IGF2R: variants seen among roughly 807,000 people sequenced by gnomAD.
IGF2R encodes the protein insulin like growth factor 2 receptor, also known as cation-independent mannose-6-phosphate receptor.
IGF2R carries 91 observed loss-of-function variants against 270.6 expected under a neutral mutation model. The observed-to-expected ratio is 0.34, with a 90% confidence interval of 0.28 to 0.40. The LOEUF is 0.40. IGF2R is among the 10% of genes least tolerant of loss of function. IGF2R has a pLI of 1.00. For synonymous variants in IGF2R, 1,316 were observed against 1,258.9 expected, an observed-to-expected ratio of 1.05 and a Z score of -0.96; for missense variants, 2,805 against 3,188.3, an observed-to-expected ratio of 0.88 and a Z score of 2.90.
At chr6:160,048,604 A>C in intron 18 of IGF2R, 61 bp downstream of exon 18, 2 of 1,544,254 alleles carry the variant, frequency 1.3e-6, no homozygotes, top group Admixed American at 3.7e-5. Context: ...TAGTGGGAGG[A>C]GGTGGTTATT....
At chr6:159,990,532 A>G (rs1783960960) in intron 1 of IGF2R, among the ~76,000 whole-genome samples, 1 of 152,190 alleles carries the variant, frequency 6.6e-6, no homozygotes, top group Admixed American at 6.5e-5. Context: ...TCTTTCCTTT[A>G]TAAATTACCC....
In IGF2R at chr6:160,050,458, C is replaced by G. The variant is rs199684076; in HGVS notation, c.2515-15C>G. On this transcript the variant is annotated splice_polypyrimidine_tract_variant and intron_variant, in intron 18 of 47. Transcript: ENST00000356956. This position sits in a 1 kb window ranked among gnomAD's most constrained non-coding sequence, Gnocchi z 4.0. The stretch of plus-strand genomic sequence containing the variant: ...CTTCAGGGGGAAAAGCCTAACAAGA[C>G]TGGTTTTCTTGCAGGGCTCCTTCAC... 6.2e-7 allele frequency: 1 copy of G among 1,600,046 alleles called. No homozygotes were observed. The highest frequency in any genetic ancestry group is 1.3e-5 in the African/African-American group (1 of 74,830).
Position 160,061,806 on chromosome 6 carries a change from G to A in IGF2R, c.3460G>A (p.Val1154Met), listed in dbSNP as rs2115262788. 1.2e-6 allele frequency: 2 copies of A among 1,614,202 alleles called. No individual in the cohort carries two copies. The highest frequency in any genetic ancestry group is 2.2e-5 in the East Asian group (1 of 44,884). Residue 1154 changes from valine to methionine, a missense_variant, in exon 25 of 48, where the codon GTG becomes ATG. Physicochemically the swap from Val to Met is conservative, Grantham distance 21. Around this residue, in one of 2 missense-constraint regions of IGF2R, gnomAD observed 1,851 missense variants for 2,207.2 expected, o/e 0.84. Coordinates refer to ENST00000356956, the MANE Select transcript of IGF2R (RefSeq NM_000876.4). ...AGAAGGCAATAGCTGGAATCTGGGT[G>A]TGGTGCAGATGAGTCCCCAAGCCGC... ...VSEGNSWNLG[V>M]VQMSPQAAAN... is the part of the protein sequence containing the mutation.
chr6:159,971,429 T>G (rs908656056), intron 1 of IGF2R, among the ~76,000 whole-genome samples: 2 of 152,240 alleles, frequency 1.3e-5, no homozygotes, highest in African/African-American at 4.8e-5. Flanking sequence ...GTGAATATAA[T>G]AAGATCTGCC....
At chr6:159,975,157 C>T (rs1299419904) in intron 1 of IGF2R, among the ~76,000 whole-genome samples, 2 of 152,192 alleles carry the variant, frequency 1.3e-5, no homozygotes, top group African/African-American at 2.4e-5. Flanking sequence ...AAGTCCGGGC[C>T]TCTGGAACTT....
At chr6:160,090,890 T>C (rs1779207444) in intron 44 of IGF2R, among the ~76,000 whole-genome samples, 1 of 148,520 alleles carries the variant, frequency 6.7e-6, no homozygotes, top group Non-Finnish European at 1.5e-5. Context: ...CTCCGTGCCC[T>C]GGTGCTGAGC....
intron 1 of IGF2R, among the ~76,000 whole-genome samples, chr6:159,982,062 G>A (rs1034220242): frequency 2.6e-5 from 4 of 152,188 alleles, no homozygotes; most frequent in Non-Finnish European, 4.4e-5. Context: ...TCAAACTCAC[G>A]TGCTTCCCCA....
chr6:160,014,087 G>C (rs1777217589), intron 4 of IGF2R, among the ~76,000 whole-genome samples: 2 of 152,136 alleles, frequency 1.3e-5, no homozygotes, highest in South Asian at 4.1e-4. Flanking sequence ...GTTACAAACA[G>C]CCCTTTAAAA....
rs538418803 is a variant in IGF2R at position 159,995,073 on chromosome 6, T to TCTC, written c.289+3754_289+3756dup. Among the ~76,000 whole-genome samples the TCTC allele has an allele frequency of 2.4e-4, 37 of 152,316 alleles. No homozygotes were observed. The South Asian group carries it at 7.5e-3, about 31-fold the overall frequency. On this transcript the variant is annotated intron_variant, in intron 2 of 47. Transcript: ENST00000356956. The stretch of plus-strand genomic sequence containing the variant: ...CTCATTATTATTACATTGCTGTCTA[T>TCTC]CTCCTCTTAGGTCTAGTGGTAATGA...
chr6:160,040,398 G>A (rs995378802), intron 10 of IGF2R, among the ~76,000 whole-genome samples, 162 bp from the exon 11 acceptor site: 4 of 152,206 alleles, frequency 2.6e-5, no homozygotes, highest in Non-Finnish European at 5.9e-5. Flanking sequence ...CTTAATAGAA[G>A]CCTGTGTCAA....
intron 1 of IGF2R, among the ~76,000 whole-genome samples, chr6:159,986,427 TGTG>T (rs1408081355): frequency 0.015 from 1,636 of 112,664 alleles, 21 homozygotes; most frequent in African/African-American, 0.05. Context: ...TGTGTGTGTG[TGTG>T]TTTTTTTTTT....
Position 160,105,009 on chromosome 6 carries a change from A to C in IGF2R, c.7401A>C (p.Ala2467=). 1 of 1,613,518 alleles carries C rather than the reference A, an allele frequency of 6.2e-7. No individual in the cohort carries two copies. Among genetic ancestry groups the C allele is most frequent in the Non-Finnish European group, 8.5e-7 (1 of 1,179,762 alleles). ...EKARKGKSSS[A]QQKTVSSTKL... ...CGAGGAAAGGGAAGTCCAGCTCTGCACAGCAGAAGACAGTGAGCTCCACCA... is the reference window on the plus strand; with the variant it reads ...CGAGGAAAGGGAAGTCCAGCTCTGCCCAGCAGAAGACAGTGAGCTCCACCA... Residue 2467 remains alanine (A), a synonymous_variant, in exon 48 of 48, where the codon GCA becomes GCC. Transcript: ENST00000356956.
At chr6:160,081,875 T>C (rs1454695675) in intron 39 of IGF2R, among the ~76,000 whole-genome samples, 2 of 152,230 alleles carry the variant, frequency 1.3e-5, no homozygotes, top group Non-Finnish European at 2.9e-5. Context: ...ATCACTGTTA[T>C]CCTGTTCTTA....
In IGF2R at chr6:160,032,657, T is replaced by C; in HGVS notation, c.989T>C (p.Leu330Pro). The change falls in exon 8 of 48, where the codon CTG (leucine) becomes CCG (proline). Residue 330 changes from leucine to proline, a missense_variant. Physicochemically the swap from Leu to Pro is moderately conservative, Grantham distance 98 (BLOSUM62 -3). Coordinates refer to ENST00000356956, the MANE Select transcript of IGF2R (RefSeq NM_000876.4). ...RDYLESKTCSLSGEQQDVSID... is the reference protein window; with the variant it reads ...RDYLESKTCSPSGEQQDVSID... ...TACCTGGAAAGTAAAACTTGTTCTC[T>C]GAGCGGCGAGCAGCAGGATGTCTCC... 6.2e-7 allele frequency: 1 copy of C among 1,614,238 alleles called. No homozygotes were observed. Among genetic ancestry groups the C allele is most frequent in the Non-Finnish European group, 8.5e-7 (1 of 1,180,048 alleles).
intron 9 of IGF2R, 39 bp from the exon 10 acceptor site, chr6:160,034,380 C>T (rs1230773636): frequency 1.5e-6 from 2 of 1,336,340 alleles, no homozygotes; most frequent in South Asian, 1.2e-5. Flanking sequence ...TTTCTTGGTT[C>T]TCCCAAACAC....
At chr6:160,009,335 A>G (rs1784297202) in intron 3 of IGF2R, among the ~76,000 whole-genome samples, 1 of 152,248 alleles carries the variant, frequency 6.6e-6, no homozygotes, top group Non-Finnish European at 1.5e-5. Flanking sequence ...TAAGTAAAAC[A>G]TAGACCATGT....
chr6:160,096,650 G>A (rs1458578921), intron 45 of IGF2R, 25 bp downstream of exon 45: 2 of 1,570,128 alleles, frequency 1.3e-6, no homozygotes, highest in Non-Finnish European at 8.7e-7. Flanking sequence ...CGGAAGCTTA[G>A]CACTTGTACC....
At chr6:160,017,944 A>G (rs1280202473) in intron 4 of IGF2R, among the ~76,000 whole-genome samples, 1 of 152,218 alleles carries the variant, frequency 6.6e-6, no homozygotes, top group African/African-American at 2.4e-5. Flanking sequence ...AATTATTCAA[A>G]CAAGACCACA....
At chr6:160,033,968 C>A (rs1304188068) in intron 9 of IGF2R, among the ~76,000 whole-genome samples, 1 of 152,170 alleles carries the variant, frequency 6.6e-6, no homozygotes, top group Non-Finnish European at 1.5e-5. Flanking sequence ...GGTCTTTGAG[C>A]TTTTTAAAAG....
Sources: gnomAD v4.1 joint callset for allele counts (sites outside exome capture counted in the v4.1 genomes callset) on GRCh38, gnomAD v4.1.1 for gene constraint, gnomAD v4.1.1 regional missense constraint, Gnocchi (gnomAD v3.1) non-coding constraint, MANE v1.5 for transcripts, NCBI Gene and HGNC (gene_info 2026-07-23, HGNC 2026-07-21) for gene names.